The following OSBP2 variants were observed in gnomAD, a reference collection of about 807,000 sequenced individuals.
The protein encoded by OSBP2 is oxysterol-binding protein 2.
OSBP2 carries 66 observed loss-of-function variants against 96.0 expected under a neutral mutation model. That is an observed-to-expected ratio of 0.69 (90% CI 0.56 to 0.84). The LOEUF (loss-of-function observed/expected upper bound fraction) is 0.84. OSBP2 is among the 40% of genes least tolerant of loss of function. The pLI is 0.00. For missense variants in OSBP2, 1,038 were observed against 1,222.7 expected (o/e 0.85, Z 2.25); for synonymous variants, 525 against 520.9 (o/e 1.01, Z -0.11).
chr22:30,862,123 A>G (rs548881151), intron 2 of OSBP2, among the ~76,000 whole-genome samples: 1 of 152,330 alleles, frequency 6.6e-6, no homozygotes, highest in African/African-American at 2.4e-5. Flanking sequence ...AAGCTCGCCG[A>G]AGACCTCGCA....
intron 2 of OSBP2, chr22:30,764,294 GA>G: frequency 1.0e-6 from 1 of 974,614 alleles, no homozygotes; most frequent in Non-Finnish European, 1.2e-6. Flanking sequence ...GGGCGGGGAT[GA>G]GGAGGGGGTT....
At chr22:30,733,812 T>A (rs1470669363) in intron 1 of OSBP2, among the ~76,000 whole-genome samples, 1 of 152,148 alleles carries the variant, frequency 6.6e-6, no homozygotes, top group Admixed American at 6.5e-5. Context: ...CGAGTATTAT[T>A]TTGTTGAGAA....
At chr22:30,828,910 T>C (rs1183839021) in intron 2 of OSBP2, among the ~76,000 whole-genome samples, 2 of 152,062 alleles carry the variant, frequency 1.3e-5, no homozygotes, top group Non-Finnish European at 2.9e-5. Flanking sequence ...GCAGTTGTGC[T>C]GGACTGGAAG....
Position 30,785,292 on chromosome 22 carries a change from G to A in OSBP2, c.853+43923G>A, listed in dbSNP as rs141500707. Among the ~76,000 whole-genome samples the A allele has an allele frequency of 6.6e-3, 1,006 of 152,168 alleles. 10 individuals are homozygous for A. Among genetic ancestry groups the A allele is most frequent in the African/African-American group, 0.023 (941 of 41,526 alleles). ...CATTAATGCTTAATCTTTCCGGCCC[G>A]GCACAGTGGCTTATGCCTGTAATCC... On this transcript the variant is annotated intron_variant, in intron 2 of 13. Coordinates refer to ENST00000332585, the MANE Select transcript of OSBP2 (RefSeq NM_030758.4).
At chr22:30,895,967 A>G (rs1170484312) in intron 12 of OSBP2, among the ~76,000 whole-genome samples, 1 of 149,972 alleles carries the variant, frequency 6.7e-6, no homozygotes, top group African/African-American at 2.5e-5. Flanking sequence ...AAAGGGGAGG[A>G]TGGGGGGAGC....
chr22:30,828,047 C>A (rs2038441061), intron 2 of OSBP2, among the ~76,000 whole-genome samples: 1 of 152,102 alleles, frequency 6.6e-6, no homozygotes, highest in Non-Finnish European at 1.5e-5. Context: ...AGGGGCCTGG[C>A]CTGAGTGAAG....
chr22:30,759,406 G>A (rs1354880587), intron 2 of OSBP2, among the ~76,000 whole-genome samples: 2 of 152,076 alleles, frequency 1.3e-5, no homozygotes, highest in Non-Finnish European at 1.5e-5. Context: ...ACCCAGAGAC[G>A]GCTGGTCACT....
intron 1 of OSBP2, among the ~76,000 whole-genome samples, chr22:30,700,216 G>A (rs944592077): frequency 2.0e-5 from 3 of 151,638 alleles, no homozygotes; most frequent in Non-Finnish European, 4.4e-5. Context: ...CGCTTGCCTC[G>A]GCCTCCCAAA....
chr22:30,701,351 T>TC (rs1406714127), intron 1 of OSBP2, among the ~76,000 whole-genome samples: 3 of 148,340 alleles, frequency 2.0e-5, no homozygotes, highest in Non-Finnish European at 4.5e-5. Context: ...TTTCTTTTTT[T>TC]TTTTTTTTTT....
intron 2 of OSBP2, among the ~76,000 whole-genome samples, chr22:30,858,728 A>G (rs1348995161): frequency 5.3e-5 from 8 of 151,268 alleles, no homozygotes; most frequent in Non-Finnish European, 1.0e-4. Context: ...AAAATACAAA[A>G]ATTAGCCAGG....
At chr22:30,796,071 GA>G (rs1318598071) in intron 2 of OSBP2, among the ~76,000 whole-genome samples, 1 of 152,096 alleles carries the variant, frequency 6.6e-6, no homozygotes, top group Non-Finnish European at 1.5e-5. Flanking sequence ...CTGTATTTTT[GA>G]AAGTTTACAT....
chr22:30,696,739 C>T (rs574685118), intron 1 of OSBP2, among the ~76,000 whole-genome samples: 13 of 152,200 alleles, frequency 8.5e-5, no homozygotes, highest in East Asian at 3.9e-4. Context: ...CTGCAACCTC[C>T]GCCCCCCAGG....
intron 2 of OSBP2, among the ~76,000 whole-genome samples, chr22:30,856,373 C>CTTTTTTTTTTTTTTTTTTTTT (rs56875088): frequency 9.9e-6 from 1 of 101,430 alleles, no homozygotes; most frequent in African/African-American, 3.6e-5. Flanking sequence ...CAGAGCCCTT[C>CTTTTTTTTTTTTTTTTTTTTT]TTTTTTTTTT....
chr22:30,737,458 G>A (rs1215037780), intron 1 of OSBP2, among the ~76,000 whole-genome samples: 1 of 151,430 alleles, frequency 6.6e-6, no homozygotes, highest in African/African-American at 2.4e-5. Context: ...GAGTAGCTGG[G>A]ACTACAGGCG....
intron 2 of OSBP2, among the ~76,000 whole-genome samples, chr22:30,861,885 G>T (rs1018613498): frequency 6.6e-6 from 1 of 152,120 alleles, no homozygotes; most frequent in Non-Finnish European, 1.5e-5. Flanking sequence ...GCGCTGGCCC[G>T]TTCCACCTCT....
intron 2 of OSBP2, among the ~76,000 whole-genome samples, chr22:30,777,198 T>C (rs2090449417): frequency 6.6e-6 from 1 of 152,084 alleles, no homozygotes; most frequent in African/African-American, 2.4e-5. Flanking sequence ...TTTTGAAATG[T>C]GAGGACATGA....
intron 2 of OSBP2, among the ~76,000 whole-genome samples, chr22:30,829,530 T>A (rs1248957551): frequency 1.3e-5 from 2 of 152,182 alleles, no homozygotes; most frequent in South Asian, 2.1e-4. Flanking sequence ...TGAACTCAAA[T>A]GGTCTGCCTG....
intron 3 of OSBP2, among the ~76,000 whole-genome samples, chr22:30,876,963 G>T (rs1333011856): frequency 6.6e-6 from 1 of 152,146 alleles, no homozygotes; most frequent in Admixed American, 6.6e-5. Context: ...CCCTCACCCT[G>T]CATCCCTGTC....
intron 2 of OSBP2, among the ~76,000 whole-genome samples, chr22:30,842,114 CT>C (rs1158378400): frequency 2.0e-5 from 3 of 151,984 alleles, no homozygotes; most frequent in African/African-American, 4.8e-5. Context: ...GCCCAGCTTA[CT>C]TTTGTATTTT....
Sources: allele counts gnomAD v4.1 joint callset (sites outside exome capture counted in the v4.1 genomes callset), GRCh38; gene constraint gnomAD v4.1.1; transcripts MANE v1.5; gene names NCBI Gene and HGNC (gene_info 2026-07-23, HGNC 2026-07-21).